ABCA3: variants seen among roughly 807,000 people sequenced by gnomAD.
The protein encoded by ABCA3 is ATP binding cassette subfamily A member 3, also known as phospholipid-transporting ATPase ABCA3.
ABCA3 carries 88 observed loss-of-function variants against 172.8 expected under a neutral mutation model. The observed-to-expected ratio is 0.51, with a 90% CI of 0.43 to 0.61. The LOEUF is 0.61. Ranked by LOEUF, ABCA3 falls within the 20% of genes least tolerant of loss-of-function variation. The pLI is 0.00. For synonymous variants in ABCA3, 1,066 were observed against 983.8 expected (o/e 1.08, Z -1.56); for missense variants, 2,164 against 2,301.0 (o/e 0.94, Z 1.22).
At chr16:2,331,141 GAA>G (rs1308014682) in intron 1 of ABCA3, among the ~76,000 whole-genome samples, 1 of 152,052 alleles carries the variant, frequency 6.6e-6, no homozygotes, top group Non-Finnish European at 1.5e-5. Flanking sequence ...ATCACTCCTA[GAA>G]CATAACATCA....
chr16:2,334,230 T>C (rs572833603), intron 1 of ABCA3, among the ~76,000 whole-genome samples: 8 of 152,118 alleles, frequency 5.3e-5, no homozygotes, highest in Admixed American at 4.6e-4. Flanking sequence ...TACAGGATCC[T>C]GGAGACAGAC....
At chr16:2,282,511 TTTTG>T (rs1211961527) in intron 26 of ABCA3, among the ~76,000 whole-genome samples, 1 of 152,372 alleles carries the variant, frequency 6.6e-6, no homozygotes, top group East Asian at 1.9e-4. Flanking sequence ...ACACATTTGC[TTTTG>T]TTTGTTTGAG....
rs2093658215 is a variant in ABCA3 at position 2,283,460 on chromosome 16, G to A, written c.3863-102C>T. On this transcript the variant is annotated intron_variant, in intron 25 of 32. Coordinates refer to ENST00000301732, the MANE Select transcript of ABCA3 (RefSeq NM_001089.3). This position sits in a 1 kb window ranked among gnomAD's most constrained non-coding sequence, Gnocchi z 5.4. ...CCTCCCCAGGCTGCTCAAGGCGCCTGTAACAATGTCCCCTCCATGGGGAGA... is the reference window on the plus strand; with the variant it reads ...CCTCCCCAGGCTGCTCAAGGCGCCTATAACAATGTCCCCTCCATGGGGAGA... 2.9e-6 allele frequency: 4 copies of A among 1,359,668 alleles called. No homozygotes were observed. The highest frequency in any genetic ancestry group is 2.1e-5 in the Admixed American group (1 of 47,582). 84.2% of individuals were successfully genotyped at this position (1,359,668 alleles called of 1,614,324 possible). A position where few individuals can be genotyped will look rare whatever the true frequency, so the allele number is the denominator to read the frequency against.
Position 2,283,466 on chromosome 16 carries a change from A to C in ABCA3, c.3863-108T>G. The C allele has an allele frequency of 1.5e-6, 2 of 1,306,328 alleles. No homozygotes were observed. The highest frequency in any genetic ancestry group is 2.1e-6 in the Non-Finnish European group (2 of 946,388). The allele number at this position is 1,306,328 out of a possible 1,614,324, so 80.9% of individuals were successfully genotyped here. A position where few individuals can be genotyped will look rare whatever the true frequency, so the allele number is the denominator to read the frequency against. ...CAGGCTGCTCAAGGCGCCTGTAACA[A>C]TGTCCCCTCCATGGGGAGATGTGAA... On this transcript the variant is annotated intron_variant, in intron 25 of 32. Transcript: ENST00000301732. This position sits in a 1 kb window ranked among gnomAD's most constrained non-coding sequence, Gnocchi z 5.4.
At chr16:2,298,655 C>A in intron 14 of ABCA3, 115 bp from the exon 15 acceptor site, 1 of 1,322,232 alleles carries the variant, frequency 7.6e-7, no homozygotes, top group East Asian at 2.5e-5. Context: ...GGACCCTGCC[C>A]ATGAGAGGGC....
At position 2,297,786 on chromosome 16, in the gene ABCA3, C is replaced by A; in HGVS notation, c.2032G>T (p.Ala678Ser). ...CACACCTTGGAGCCTGCGATGAGGG[C>A]GATGCCGATGGAGAGCTTGCGCCTC... ...GMRRKLSIGIALIAGSKVLIL... is the reference protein window; with the variant it reads ...GMRRKLSIGISLIAGSKVLIL... Residue 678 changes from alanine to serine, a missense_variant, in exon 16 of 33, where the codon GCC (alanine) becomes TCC (serine). Ala to Ser is a moderately conservative substitution (Grantham distance 99). This residue lies in a region of ABCA3 where 1,343 missense variants were observed against 1,369.6 expected (regional missense o/e 0.98). Coordinates refer to ENST00000301732, the MANE Select transcript of ABCA3 (RefSeq NM_001089.3). The surrounding 1 kb of genome is among the most constrained non-coding windows in gnomAD (Gnocchi z 5.6). The A allele has an allele frequency of 6.2e-7, 1 of 1,612,720 alleles. No individual in the cohort carries two copies.
In ABCA3 at chr16:2,333,562, G is replaced by A. The variant is rs1350183631; in HGVS notation, c.-538-3708C>T. 2.6e-5 allele frequency among the ~76,000 whole-genome samples: 4 copies of A among 152,164 alleles called. No homozygotes were observed. In the East Asian group the frequency reaches 7.7e-4, roughly 29 times the overall value. ...GAGGACAGTCAATTAATGGAGGCCG[G>A]TAGAATCCATGGTCTTTTAGGGTAT... On this transcript the variant is annotated intron_variant, in intron 1 of 32. Coordinates refer to ENST00000301732, the MANE Select transcript of ABCA3 (RefSeq NM_001089.3).
In ABCA3 at chr16:2,284,356, C is replaced by T. The variant is rs763073484; in HGVS notation, c.3785G>A (p.Ser1262Asn). 1.2e-6 allele frequency: 2 copies of T among 1,614,000 alleles called. No homozygotes were observed. Among genetic ancestry groups the T allele is most frequent in the Admixed American group, 3.3e-5 (2 of 60,026 alleles). ...LPNHCLGMAVSSFYENYETRR... is the reference protein window; with the variant it reads ...LPNHCLGMAVNSFYENYETRR... The stretch of plus-strand genomic sequence containing the variant: ...CGTCTCGTAGTTCTCGTAGAAACTG[C>T]TGACTGCCATCCCCAGACAGTGGTT... The change falls in exon 25 of 33, where the codon AGC (serine) becomes AAC (asparagine). Residue 1262 changes from serine (S) to asparagine (N), a missense_variant. This residue lies in a region of ABCA3 where 795 missense variants were observed against 881.9 expected (regional missense o/e 0.90). Coordinates refer to ENST00000301732, the MANE Select transcript of ABCA3 (RefSeq NM_001089.3). This position sits in a 1 kb window ranked among gnomAD's most constrained non-coding sequence, Gnocchi z 5.9.
In ABCA3 at chr16:2,281,587, G is replaced by T; in HGVS notation, c.4036-78C>A. On this transcript the variant is annotated intron_variant, in intron 26 of 32. Transcript: ENST00000301732. The surrounding 1 kb of genome is among the most constrained non-coding windows in gnomAD (Gnocchi z 4.7). ...CCGTGGAGAAGGGAGGGGCGGGGGT[G>T]GATGTGGGAGGTCTGGTGGGACTAA... The T allele has an allele frequency of 2.2e-6, 2 of 927,144 alleles. No homozygotes were observed. Among genetic ancestry groups the T allele is most frequent in the Non-Finnish European group, 3.3e-6 (2 of 604,238 alleles). 57.4% of individuals were successfully genotyped at this position (927,144 alleles called of 1,614,324 possible).
chr16:2,288,552 A>G (rs558233927), intron 20 of ABCA3, among the ~76,000 whole-genome samples: 1 of 152,294 alleles, frequency 6.6e-6, no homozygotes, highest in South Asian at 2.1e-4. Flanking sequence ...GGGGCCCTGC[A>G]CGTTGGCACT....
chr16:2,305,408 T>C (rs989869228), intron 11 of ABCA3, among the ~76,000 whole-genome samples: 10 of 152,226 alleles, frequency 6.6e-5, no homozygotes, highest in African/African-American at 2.4e-4. Flanking sequence ...GCGGTTCTCC[T>C]GCCTCAGCCT....
rs1411524686 is a variant in ABCA3 at position 2,319,756 on chromosome 16, T to A, written c.698A>T (p.Gln233Leu). The A allele has an allele frequency of 6.2e-7, 1 of 1,613,958 alleles. No homozygotes were observed. The highest frequency in any genetic ancestry group is 1.1e-5 in the South Asian group (1 of 91,064). The change falls in exon 8 of 33, where the codon CAG (glutamine) becomes CTG (leucine). Residue 233 changes from glutamine (Q) to leucine (L), a missense_variant. Gln to Leu is a moderately radical substitution (Grantham distance 113). Transcript: ENST00000301732. The stretch of plus-strand genomic sequence containing the variant: ...GGTCACCGTCAGTCTCTGGAACAGC[T>A]GGCGTGTGGCGGCATCGGCATGGTA... Reference protein sequence around the residue: ...MEYHADAATRQLFQRLTVTIK... With the variant: ...MEYHADAATRLLFQRLTVTIK...
Position 2,287,235 on chromosome 16 carries a change from G to A in ABCA3, c.3005-268C>T, listed in dbSNP as rs1419605602. ...CAGTAGGTTCCATTAACCAGAGCAC[G>A]GTCCCTGTTCTGAGCCTGGGGCAGT... is the stretch of plus-strand genomic sequence containing the variant. On this transcript the variant is annotated intron_variant, in intron 21 of 32. Transcript: ENST00000301732. This position sits in a 1 kb window ranked among gnomAD's most constrained non-coding sequence, Gnocchi z 4.1. Among the ~76,000 whole-genome samples, 6 of 152,068 alleles carry A rather than the reference G, an allele frequency of 3.9e-5. No individual in the cohort carries two copies. The highest frequency in any genetic ancestry group is 2.9e-5 in the Non-Finnish European group (2 of 68,022).
chr16:2,326,770 T>C (rs2093735102), intron 3 of ABCA3, among the ~76,000 whole-genome samples: 1 of 152,130 alleles, frequency 6.6e-6, no homozygotes, highest in Non-Finnish European at 1.5e-5. Context: ...GGTGGATCAC[T>C]TGAAATCAGG....
rs2093654295 is a variant in ABCA3, at chr16:2,281,131, C to T, written c.4255G>A (p.Gly1419Arg). ...GECFGLLGFN[G>R]AGKTTTFKML... ...TTGAAAGTCGTGGTCTTCCCGGCTC[C>T]ATTGAAGCCCAGCAGGCCGAAGCAC... The change falls in exon 28 of 33, where the codon GGA becomes AGA. Residue 1419 changes from glycine to arginine, a missense_variant. By Grantham distance (125) the Gly-to-Arg change is moderately radical (BLOSUM62 -2). Transcript: ENST00000301732. This position sits in a 1 kb window ranked among gnomAD's most constrained non-coding sequence, Gnocchi z 4.7. 1 of 1,613,940 alleles carries T rather than the reference C, an allele frequency of 6.2e-7. No individual in the cohort carries two copies.
chr16:2,293,260 C>T (rs2093674847), intron 18 of ABCA3, among the ~76,000 whole-genome samples: 1 of 151,602 alleles, frequency 6.6e-6, no homozygotes, highest in African/African-American at 2.4e-5. Context: ...ACCGTGTTAG[C>T]CAGGATGGTC....
chr16:2,301,363 T>C (rs574641841), intron 12 of ABCA3, among the ~76,000 whole-genome samples: 3 of 152,286 alleles, frequency 2.0e-5, no homozygotes, highest in Non-Finnish European at 2.9e-5. Context: ...AGTTGATGGA[T>C]TACAGTAGTG....
In ABCA3 at chr16:2,324,432, T is replaced by C. The variant is rs1055065367; in HGVS notation, c.419A>G (p.Asn140Ser). The change falls in exon 6 of 33, where the codon AAC becomes AGC. Residue 140 changes from asparagine to serine, a missense_variant. Physicochemically the swap from Asn to Ser is conservative, Grantham distance 46. This residue lies in a region of ABCA3 where 1,343 missense variants were observed against 1,369.6 expected (regional missense o/e 0.98). Coordinates refer to ENST00000301732, the MANE Select transcript of ABCA3 (RefSeq NM_001089.3). ...CAGCGGCAGGGGCTCCTTGCTGTGG[T>C]TGAAGGGGTGCTCGAAGACCACGGC... ...LAAVVFEHPF[N>S]HSKEPLPLAV... The C allele has an allele frequency of 5.6e-6, 9 of 1,604,930 alleles. No individual in the cohort carries two copies. Among genetic ancestry groups the C allele is most frequent in the Admixed American group, 1.7e-5 (1 of 59,468 alleles).
At chr16:2,320,202 G>C (rs898471724) in intron 7 of ABCA3, among the ~76,000 whole-genome samples, 2 of 148,014 alleles carry the variant, frequency 1.4e-5, no homozygotes, top group African/African-American at 5.0e-5. Flanking sequence ...AGGTTCAAGC[G>C]ATTCTCCTGC....
Sources: allele counts gnomAD v4.1 joint callset (sites outside exome capture counted in the v4.1 genomes callset), GRCh38; gene constraint gnomAD v4.1.1; regional missense constraint gnomAD v4.1.1; non-coding constraint Gnocchi (gnomAD v3.1); transcripts MANE v1.5; gene names NCBI Gene and HGNC (gene_info 2026-07-23, HGNC 2026-07-21).